SH3BGRL2: variants seen among roughly 807,000 people sequenced by gnomAD.
The protein encoded by SH3BGRL2 is SH3 domain binding glutamate rich protein like 2.
SH3BGRL2 carries 21 observed loss-of-function variants against 14.8 expected under a neutral mutation model. The observed-to-expected ratio is 1.42, with a 90% CI of 1.01 to 2.05. The LOEUF is 2.05. Ranked by LOEUF, SH3BGRL2 falls within the 30% of genes most tolerant of loss-of-function variation. SH3BGRL2 has a pLI of 0.00. For missense variants in SH3BGRL2, 147 were observed against 130.8 expected, an observed-to-expected ratio of 1.12 and a Z score of -0.61; for synonymous variants, 50 against 47.8, an observed-to-expected ratio of 1.05 and a Z score of -0.19.
chr6:79,646,432 A>G (rs532495167), intron 1 of SH3BGRL2, among the ~76,000 whole-genome samples: 2 of 152,314 alleles, frequency 1.3e-5, no homozygotes, highest in East Asian at 3.9e-4. Flanking sequence ...AAGTTGGGAG[A>G]CTTGGAATCT....
At chr6:79,657,785 T>G (rs1435445484) in intron 1 of SH3BGRL2, among the ~76,000 whole-genome samples, 6 of 152,148 alleles carry the variant, frequency 3.9e-5, no homozygotes, top group Non-Finnish European at 7.4e-5. Flanking sequence ...CCTGGCTAAT[T>G]AATTTTTTTT....
At chr6:79,549,424 A>C in the SH3BGRL2 span, among the ~76,000 whole-genome samples, 1 of 152,224 alleles carries the variant, frequency 6.6e-6, no homozygotes, top group Non-Finnish European at 1.5e-5. Flanking sequence ...CATACTCACC[A>C]GTGGTCCCAT....
rs11547087 is a variant in SH3BGRL2, at chr6:79,702,651, C to G, written c.*3142C>G. 2.6e-5 allele frequency: 4 copies of G among 152,204 alleles called. No homozygotes were observed. Among genetic ancestry groups the G allele is most frequent in the African/African-American group, 9.7e-5 (4 of 41,450 alleles). 9.4% of individuals were successfully genotyped at this position (152,204 alleles called of 1,614,324 possible). ...GCACATTAAATTGTAAAAATACAAA[C>G]AGATCGTGTGATCATTCAAGGAGCC... is the stretch of plus-strand genomic sequence containing the variant. On this transcript the variant is annotated 3_prime_UTR_variant, in exon 4 of 4. Transcript: ENST00000369838.
At chr6:79,667,939 T>G (rs1333265120) in intron 1 of SH3BGRL2, among the ~76,000 whole-genome samples, 1 of 152,040 alleles carries the variant, frequency 6.6e-6, no homozygotes, top group Non-Finnish European at 1.5e-5. Flanking sequence ...GTGGCTCATT[T>G]GTCTTCAGAT....
the SH3BGRL2 span, among the ~76,000 whole-genome samples, chr6:79,600,446 A>G: frequency 6.6e-6 from 1 of 152,144 alleles, no homozygotes; most frequent in African/African-American, 2.4e-5. Flanking sequence ...TTGGCAGTTG[A>G]GTGTTTTCCA....
chr6:79,696,873 A>C (rs1223717312), intron 3 of SH3BGRL2, among the ~76,000 whole-genome samples: 1 of 152,058 alleles, frequency 6.6e-6, no homozygotes, highest in Non-Finnish European at 1.5e-5. Flanking sequence ...TAAAATTGCA[A>C]ATTTTTTTAC....
chr6:79,613,137 A>T, the SH3BGRL2 span, among the ~76,000 whole-genome samples: 1 of 152,238 alleles, frequency 6.6e-6, no homozygotes, highest in African/African-American at 2.4e-5. Flanking sequence ...AAGACAAGCA[A>T]CATTCTGTTT....
At chr6:79,578,841 A>G in the SH3BGRL2 span, among the ~76,000 whole-genome samples, 3 of 152,234 alleles carry the variant, frequency 2.0e-5, no homozygotes, top group Admixed American at 6.5e-5. Context: ...ATTCAGTAAT[A>G]ACAAACTTCT....
At chr6:79,605,310 T>C in the SH3BGRL2 span, among the ~76,000 whole-genome samples, 5 of 152,208 alleles carry the variant, frequency 3.3e-5, no homozygotes, top group African/African-American at 9.6e-5. Context: ...ACATGAATGA[T>C]GTCAGAAGAG....
At chr6:79,649,983 TCTCACACACACACA>T (rs1181711069) in intron 1 of SH3BGRL2, among the ~76,000 whole-genome samples, 2 of 132,346 alleles carry the variant, frequency 1.5e-5, no homozygotes, top group East Asian at 4.9e-4. Flanking sequence ...TCTCTCTCTC[TCTCACACACACACA>T]CACACACACA....
intron 1 of SH3BGRL2, among the ~76,000 whole-genome samples, chr6:79,656,030 T>C (rs1018502908): frequency 3.3e-5 from 5 of 152,190 alleles, no homozygotes; most frequent in Non-Finnish European, 5.9e-5. Context: ...ATCTTAAGGA[T>C]AATGAGAAGG....
chr6:79,564,297 A>G, the SH3BGRL2 span, among the ~76,000 whole-genome samples: 1 of 152,202 alleles, frequency 6.6e-6, no homozygotes, highest in African/African-American at 2.4e-5. Context: ...TTACATTTGT[A>G]AATAGAATTT....
chr6:79,547,921 A>G, the SH3BGRL2 span, among the ~76,000 whole-genome samples: 17 of 152,198 alleles, frequency 1.1e-4, no homozygotes, highest in Non-Finnish European at 1.9e-4. Flanking sequence ...GCTGGAGTGC[A>G]GGGGCACAAT....
In SH3BGRL2 at chr6:79,700,306, G is replaced by A. The variant is rs1582744494; in HGVS notation, c.*797G>A. 1 of 152,094 alleles carries A rather than the reference G, an allele frequency of 6.6e-6. No individual in the cohort carries two copies. Among genetic ancestry groups the A allele is most frequent in the Non-Finnish European group, 1.5e-5 (1 of 68,032 alleles). The allele number at this position is 152,094 out of a possible 1,614,324, so 9.4% of individuals were successfully genotyped here. A position where few individuals can be genotyped will look rare whatever the true frequency, so the allele number is the denominator to read the frequency against. ...TGAATATATAGGAAAATTATCTGACGAGTATCTGAAGGCATTTTCAGCTCT... is the reference window on the plus strand; with the variant it reads ...TGAATATATAGGAAAATTATCTGACAAGTATCTGAAGGCATTTTCAGCTCT... On this transcript the variant is annotated 3_prime_UTR_variant, in exon 4 of 4. Transcript: ENST00000369838.
chr6:79,552,103 T>C, the SH3BGRL2 span, among the ~76,000 whole-genome samples: 5 of 151,978 alleles, frequency 3.3e-5, no homozygotes, highest in Admixed American at 3.3e-4. Flanking sequence ...AAAACAAAAG[T>C]ATTTTCAGGA....
intron 1 of SH3BGRL2, among the ~76,000 whole-genome samples, chr6:79,672,993 A>C (rs540953682): frequency 2.0e-5 from 3 of 152,338 alleles, no homozygotes; most frequent in African/African-American, 7.2e-5. Context: ...ACAGCTGTGG[A>C]ATTTCTGAAG....
chr6:79,593,907 A>T, the SH3BGRL2 span, among the ~76,000 whole-genome samples: 34 of 152,048 alleles, frequency 2.2e-4, 1 homozygote, highest in African/African-American at 8.2e-4. Context: ...ATTAGGCCTT[A>T]AAACTTCATC....
At chr6:79,628,839 T>A (rs115992252), upstream of SH3BGRL2, among the ~76,000 whole-genome samples, 3,242 of 152,314 alleles carry the variant, frequency 0.021, 118 homozygotes, top group African/African-American at 0.074. Context: ...GCTTATGAAT[T>A]TCTCAGGGCA....
rs1450674330 is a variant in SH3BGRL2, at chr6:79,700,627, G to A, written c.*1118G>A. ...AGATACTTGTTCTCATTCCGTATAT[G>A]AGCACAAGTAAGGTTTCAGAGCAAC... is the stretch of plus-strand genomic sequence containing the variant. On this transcript the variant is annotated 3_prime_UTR_variant, in exon 4 of 4. Transcript: ENST00000369838. 6.6e-6 allele frequency: 1 copy of A among 152,082 alleles called. No homozygotes were observed. Among genetic ancestry groups the A allele is most frequent in the Non-Finnish European group, 1.5e-5 (1 of 68,030 alleles). The allele number at this position is 152,082 out of a possible 1,614,324, so 9.4% of individuals were successfully genotyped here.
Sources: allele counts gnomAD v4.1 joint callset (sites outside exome capture counted in the v4.1 genomes callset), GRCh38; gene constraint gnomAD v4.1.1; transcripts MANE v1.5; gene names NCBI Gene and HGNC (gene_info 2026-07-23, HGNC 2026-07-21).